The following CLYBL variants were observed in gnomAD, a reference collection of about 807,000 sequenced individuals.
CLYBL encodes the protein citramalyl-CoA lyase.
A neutral mutation model predicts 38.9 loss-of-function variants in CLYBL; 31 were observed. The observed-to-expected ratio is 0.80, with a 90% confidence interval of 0.60 to 1.08. The LOEUF is 1.08. Ranked by LOEUF, CLYBL falls within the 50% of genes least tolerant of loss-of-function variation. CLYBL has a pLI of 0.00. For missense variants in CLYBL, 434 were observed against 411.6 expected (o/e 1.05, Z -0.47); for synonymous variants, 171 against 158.6 (o/e 1.08, Z -0.59).
chr13:99,781,839 G>A (rs1227845081), intron 2 of CLYBL, among the ~76,000 whole-genome samples: 1 of 152,150 alleles, frequency 6.6e-6, no homozygotes, highest in Non-Finnish European at 1.5e-5. Flanking sequence ...GACTGTGTTT[G>A]TAATTTTTAT....
intron 1 of CLYBL, among the ~76,000 whole-genome samples, chr13:99,713,267 C>T (rs1180393146): frequency 6.6e-6 from 1 of 151,174 alleles, no homozygotes; most frequent in African/African-American, 2.4e-5. Flanking sequence ...GTAGGTGTTC[C>T]ATAGGCCTTT....
intron 1 of CLYBL, among the ~76,000 whole-genome samples, chr13:99,616,215 G>A (rs1274933842): frequency 7.0e-6 from 1 of 143,594 alleles, no homozygotes; most frequent in Non-Finnish European, 1.5e-5. Context: ...GTGGCTATTC[G>A]CAGGTGTTAT....
At chr13:99,787,042 G>GT (rs1317974547) in intron 2 of CLYBL, among the ~76,000 whole-genome samples, 3 of 152,070 alleles carry the variant, frequency 2.0e-5, no homozygotes, top group Middle Eastern at 3.4e-3. Context: ...TCACCCACTT[G>GT]TTGATGGGGT....
At chr13:99,856,915 G>C (rs1006277833) in intron 2 of CLYBL, among the ~76,000 whole-genome samples, 5 of 151,828 alleles carry the variant, frequency 3.3e-5, no homozygotes, top group Admixed American at 2.6e-4. Context: ...TGGGATTACA[G>C]GTGTGAGGCA....
At chr13:99,719,246 A>G (rs1244848590) in intron 1 of CLYBL, among the ~76,000 whole-genome samples, 2 of 148,412 alleles carry the variant, frequency 1.3e-5, no homozygotes, top group African/African-American at 2.5e-5. Context: ...CTGGGCTCAC[A>G]TGATCTCCCT....
At chr13:99,830,077 G>A (rs76737767) in intron 2 of CLYBL, among the ~76,000 whole-genome samples, 50 of 152,164 alleles carry the variant, frequency 3.3e-4, no homozygotes, top group Admixed American at 2.7e-3. Flanking sequence ...CTCTCCCCCC[G>A]GCATCAGAGT....
intron 1 of CLYBL, among the ~76,000 whole-genome samples, chr13:99,689,753 G>T (rs1367945525): frequency 1.4e-5 from 2 of 145,654 alleles, no homozygotes; most frequent in Non-Finnish European, 3.0e-5. Context: ...CTAAAGAGGA[G>T]AGCAGCTTCA....
chr13:99,896,049 C>T (rs58672171), downstream of CLYBL: 2 of 151,444 alleles, frequency 1.3e-5, no homozygotes, highest in African/African-American at 2.4e-5. Context: ...ACGCCGAGCC[C>T]TGCGGAGCCC....
At chr13:99,806,433 T>G (rs2050234381) in intron 2 of CLYBL, among the ~76,000 whole-genome samples, 2 of 152,242 alleles carry the variant, frequency 1.3e-5, no homozygotes, top group Admixed American at 1.3e-4. Context: ...TTTGTCTCAT[T>G]ACACCTTTTA....
intron 1 of CLYBL, among the ~76,000 whole-genome samples, chr13:99,608,708 C>T (rs1446840214): frequency 6.6e-6 from 1 of 152,096 alleles, no homozygotes; most frequent in Non-Finnish European, 1.5e-5. Flanking sequence ...CATGTCTACC[C>T]GCTGAATATA....
At chr13:99,857,736 A>T (rs1446123708) in intron 2 of CLYBL, among the ~76,000 whole-genome samples, 1 of 152,172 alleles carries the variant, frequency 6.6e-6, no homozygotes, top group African/African-American at 2.4e-5. Flanking sequence ...TTTGGCTTAA[A>T]TAATTCTTTT....
chr13:99,846,286 A>ATTTTTTTTTTTTTTTTTTTTTTTTTTT (rs5806139), intron 2 of CLYBL, among the ~76,000 whole-genome samples: 1 of 108,144 alleles, frequency 9.2e-6, no homozygotes, highest in African/African-American at 3.3e-5. Context: ...TTGTGTGGAG[A>ATTTTTTTTTTTTTTTTTTTTTTTTTTT]TTTTTTTTTT....
chr13:99,695,046 A>T (rs2047958893), intron 1 of CLYBL, among the ~76,000 whole-genome samples: 6 of 152,146 alleles, frequency 3.9e-5, no homozygotes, highest in Admixed American at 3.9e-4. Context: ...CCACCGCGAG[A>T]GCGATACGGC....
intron 4 of CLYBL, 148 bp downstream of exon 4, chr13:99,863,240 A>G (rs2051653804): frequency 6.5e-6 from 3 of 461,506 alleles, no homozygotes; most frequent in Non-Finnish European, 1.1e-5. Flanking sequence ...GTTATCTGTA[A>G]TAGTCCAAAA....
intron 2 of CLYBL, among the ~76,000 whole-genome samples, chr13:99,846,202 C>T (rs938424448): frequency 6.6e-6 from 1 of 150,446 alleles, no homozygotes; most frequent in Non-Finnish European, 1.5e-5. Context: ...TATATTTAAG[C>T]AACAGAAATG....
chr13:99,865,566 AGGCAGGGAGT>A lies in CLYBL; in HGVS notation c.634+660_635-660del, dbSNP rs1450246063. 6.6e-6 allele frequency among the ~76,000 whole-genome samples: 1 copy of A among 152,180 alleles called. No homozygotes were observed. Among genetic ancestry groups the A allele is most frequent in the African/African-American group, 2.4e-5 (1 of 41,442 alleles). Reference sequence around the variant, plus strand: ...TGACCTGAAGACAGGCACTTTCCCTAGGCAGGGAGTGGCATGTTCCAAATGTAAACAGGGA... The same window carrying A: ...TGACCTGAAGACAGGCACTTTCCCTAGGCATGTTCCAAATGTAAACAGGGA... On this transcript the variant is annotated intron_variant, in intron 5 of 8. Transcript: ENST00000339105. The surrounding 1 kb of genome is among the most constrained non-coding windows in gnomAD (Gnocchi z 4.7).
At chr13:99,652,583 A>G (rs760751809) in intron 1 of CLYBL, among the ~76,000 whole-genome samples, 6 of 152,204 alleles carry the variant, frequency 3.9e-5, no homozygotes, top group Non-Finnish European at 7.3e-5. Context: ...AAGGGATAAC[A>G]CTATAGCCCC....
chr13:99,631,331 ATGTGTGTGTGTGTGTG>A (rs10643696), intron 1 of CLYBL, among the ~76,000 whole-genome samples: 1 of 145,192 alleles, frequency 6.9e-6, no homozygotes, highest in Non-Finnish European at 1.5e-5. Context: ...CCAAATATTT[ATGTGTGTGTGTGTGTG>A]TGTGTGTGTG....
intron 3 of CLYBL, among the ~76,000 whole-genome samples, chr13:99,860,787 A>G (rs1483708650): frequency 6.6e-6 from 1 of 152,284 alleles, no homozygotes; most frequent in African/African-American, 2.4e-5. Flanking sequence ...TATGCGAAGC[A>G]TAAAACCCAG....
Sources: allele counts gnomAD v4.1 joint callset (sites outside exome capture counted in the v4.1 genomes callset), GRCh38; gene constraint gnomAD v4.1.1; non-coding constraint Gnocchi (gnomAD v3.1); transcripts MANE v1.5; gene names NCBI Gene and HGNC (gene_info 2026-07-23, HGNC 2026-07-21).